The following SRGAP3 variants were observed in gnomAD, a reference collection of about 807,000 sequenced individuals.
The protein encoded by SRGAP3 is SLIT-ROBO Rho GTPase activating protein 3.
SRGAP3 carries 39 observed loss-of-function variants against 121.1 expected under a neutral mutation model. The observed-to-expected ratio is 0.32, with a 90% confidence interval of 0.25 to 0.42. The LOEUF (loss-of-function observed/expected upper bound fraction) is 0.42. Among genes scored for constraint, SRGAP3 ranks in the 10% least tolerant of loss-of-function variants. SRGAP3 has a pLI of 1.00. For synonymous variants in SRGAP3, 601 were observed against 570.0 expected, an observed-to-expected ratio of 1.05 and a Z score of -0.77; for missense variants, 1,213 against 1,470.6, an observed-to-expected ratio of 0.82 and a Z score of 2.86.
At chr3:9,325,935 A>G (rs2648558) in intron 3 of SRGAP3, 123,478 of 151,732 alleles carry the variant, frequency 0.81, 51,125 homozygotes, top group African/African-American at 0.95. Flanking sequence ...GTCTTGATCC[A>G]TTCTTGTGGG....
At chr3:8,998,218 A>T (rs1942531612) in intron 18 of SRGAP3, among the ~76,000 whole-genome samples, 1 of 152,210 alleles carries the variant, frequency 6.6e-6, no homozygotes, top group African/African-American at 2.4e-5. Context: ...TTTAAAACAG[A>T]CAAGTGTCTT....
intron 18 of SRGAP3, among the ~76,000 whole-genome samples, chr3:9,003,428 A>G (rs1011330730): frequency 6.6e-6 from 1 of 152,084 alleles, no homozygotes; most frequent in Non-Finnish European, 1.5e-5. Context: ...GCAGTGAGCC[A>G]AGATTGTGCC....
intron 4 of SRGAP3, among the ~76,000 whole-genome samples, 153 bp from the exon 5 acceptor site, chr3:9,064,734 CA>C (rs1159471876): frequency 6.6e-6 from 1 of 151,992 alleles, no homozygotes; most frequent in Non-Finnish European, 1.5e-5. Flanking sequence ...TTTACTTTTG[CA>C]CAGACTCTCT....
intron 1 of SRGAP3, among the ~76,000 whole-genome samples, chr3:9,160,380 T>C (rs1265170224): frequency 6.6e-6 from 1 of 152,162 alleles, no homozygotes; most frequent in Non-Finnish European, 1.5e-5. Context: ...CTCCTCCTTA[T>C]TTTTTCTCTG....
intron 11 of SRGAP3, chr3:9,037,105 C>T (rs1944783276): frequency 6.6e-6 from 1 of 152,176 alleles, no homozygotes; most frequent in Admixed American, 6.6e-5. Flanking sequence ...CATCTTTGCT[C>T]TTGCCAAACA....
At chr3:9,219,351 C>T (rs115883551) in intron 1 of SRGAP3, 1 of 152,198 alleles carries the variant, frequency 6.6e-6, no homozygotes, top group African/African-American at 2.4e-5. Flanking sequence ...GAGGACTCTG[C>T]ATCAGGTGAG....
intron 3 of SRGAP3, among the ~76,000 whole-genome samples, chr3:9,310,974 A>T (rs1234155368): frequency 6.6e-6 from 1 of 152,100 alleles, no homozygotes; most frequent in African/African-American, 2.4e-5. Flanking sequence ...GTTTAAGACC[A>T]ACCTGGCCAA....
intron 3 of SRGAP3, among the ~76,000 whole-genome samples, chr3:9,295,931 A>AT: frequency 6.6e-6 from 1 of 152,166 alleles, no homozygotes; most frequent in East Asian, 1.9e-4. Context: ...AATTAACATC[A>AT]TGTCTTCAAG....
At chr3:9,102,612 G>A (rs1040703597) in intron 3 of SRGAP3, among the ~76,000 whole-genome samples, 8 of 152,256 alleles carry the variant, frequency 5.3e-5, no homozygotes. Context: ...GCCGTGCTGT[G>A]CAAAGTCAGC....
chr3:9,301,220 G>C (rs1448165011), intron 3 of SRGAP3, among the ~76,000 whole-genome samples: 1 of 152,206 alleles, frequency 6.6e-6, no homozygotes, highest in Non-Finnish European at 1.5e-5. Context: ...AGATGTCAAT[G>C]CTGCACAGAC....
At chr3:9,047,861 C>T (rs73146035) in intron 9 of SRGAP3, among the ~76,000 whole-genome samples, 1,715 of 152,302 alleles carry the variant, frequency 0.011, 32 homozygotes, top group African/African-American at 0.038. Context: ...AAATGGGAGC[C>T]GTCCCAGGGG....
chr3:9,229,506 A>G (rs7653395), intron 1 of SRGAP3, among the ~76,000 whole-genome samples: 29,408 of 152,034 alleles, frequency 0.19, 2,853 homozygotes, highest in South Asian at 0.21. Flanking sequence ...CCACGTGGAG[A>G]ACAGCTCACC....
intron 3 of SRGAP3, among the ~76,000 whole-genome samples, chr3:9,093,152 T>G (rs905353342): frequency 6.6e-6 from 1 of 152,222 alleles, no homozygotes; most frequent in Non-Finnish European, 1.5e-5. Flanking sequence ...AGGATGACTA[T>G]GGATGTTGTT....
intron 5 of SRGAP3, among the ~76,000 whole-genome samples, chr3:9,062,325 G>A (rs1000170430): frequency 2.6e-5 from 4 of 151,998 alleles, no homozygotes; most frequent in Non-Finnish European, 4.4e-5. Context: ...ACTAAAAATC[G>A]GCCTCTGGAC....
At chr3:9,362,452 C>G (rs535824129) in intron 1 of SRGAP3, among the ~76,000 whole-genome samples, 1 of 150,238 alleles carries the variant, frequency 6.7e-6, no homozygotes, top group Non-Finnish European at 1.5e-5. Context: ...GCATGAGCCA[C>G]TGTGCCCGGC....
Position 8,980,779 on chromosome 3 carries a change from C to G in SRGAP3, c.*4740G>C, listed in dbSNP as rs757122744. The stretch of plus-strand genomic sequence containing the variant: ...CGTGGGGACAGGCAACCAGCAATTT[C>G]CTAGGGTGGTTTTGGTCTGTTTTTC... On this transcript the variant is annotated 3_prime_UTR_variant, in exon 22 of 22. Coordinates refer to ENST00000383836, the MANE Select transcript of SRGAP3 (RefSeq NM_014850.4). 1 of 232,862 alleles carries G rather than the reference C, an allele frequency of 4.3e-6. No homozygotes were observed. The highest frequency in any genetic ancestry group is 8.5e-6 in the Non-Finnish European group (1 of 117,712). 14.4% of individuals were successfully genotyped at this position (232,862 alleles called of 1,614,324 possible).
At chr3:9,340,643 G>C (rs1185112186) in intron 1 of SRGAP3, among the ~76,000 whole-genome samples, 1 of 151,352 alleles carries the variant, frequency 6.6e-6, no homozygotes, top group East Asian at 1.9e-4. Flanking sequence ...CATATGCTCT[G>C]GGAAAACCAA....
At chr3:9,327,760 G>A (rs1284775765) in intron 2 of SRGAP3, among the ~76,000 whole-genome samples, 2 of 152,190 alleles carry the variant, frequency 1.3e-5, no homozygotes, top group Non-Finnish European at 2.9e-5. Context: ...TTACCTTTCA[G>A]TTGTATATTT....
chr3:9,200,343 T>C (rs940019971), intron 1 of SRGAP3, among the ~76,000 whole-genome samples: 2 of 152,200 alleles, frequency 1.3e-5, no homozygotes. Context: ...AAGGATTCTT[T>C]CATTCACTCA....
Sources: gnomAD v4.1 joint callset for allele counts (sites outside exome capture counted in the v4.1 genomes callset) on GRCh38, gnomAD v4.1.1 for gene constraint, MANE v1.5 for transcripts, NCBI Gene and HGNC (gene_info 2026-07-23, HGNC 2026-07-21) for gene names.